LRP5: variants seen among roughly 807,000 people sequenced by gnomAD.
The protein encoded by LRP5 is low-density lipoprotein receptor-related protein 5.
LRP5 carries 62 observed loss-of-function variants against 154.1 expected under a neutral mutation model. The ratio of observed to expected loss-of-function variants is 0.40; its 90% CI spans 0.33 to 0.50. The LOEUF (loss-of-function observed/expected upper bound fraction) is 0.50, where lower values mean the gene tolerates loss of function less well. LRP5 is among the 20% of genes least tolerant of loss of function. LRP5 has a pLI of 0.55. For missense variants in LRP5, 1,915 were observed against 2,336.7 expected, an observed-to-expected ratio of 0.82 and a Z score of 3.72; for synonymous variants, 966 against 1,011.5, an observed-to-expected ratio of 0.96 and a Z score of 0.85.
intron 1 of LRP5, among the ~76,000 whole-genome samples, chr11:68,316,242 A>C (rs558468849): frequency 3.3e-5 from 5 of 152,100 alleles, no homozygotes; most frequent in African/African-American, 1.2e-4. Flanking sequence ...TTCAGGAGTC[A>C]TCCAAGTAGT....
chr11:68,364,634 G>C (rs969291247), intron 4 of LRP5, among the ~76,000 whole-genome samples: 3 of 152,154 alleles, frequency 2.0e-5, no homozygotes, highest in African/African-American at 7.2e-5. Context: ...ACCAGCTTCT[G>C]TGACAGTGGG....
intron 1 of LRP5, 65 bp downstream of exon 1, chr11:68,312,870 G>A: frequency 1.1e-6 from 1 of 902,070 alleles, no homozygotes; most frequent in East Asian, 1.1e-4. Context: ...CGGCCCCGCG[G>A]CCAAGTGCGC....
the LRP5 span, among the ~76,000 whole-genome samples, chr11:68,307,571 C>A: frequency 1.3e-5 from 2 of 152,072 alleles, no homozygotes; most frequent in African/African-American, 2.4e-5. Context: ...GTGTGAGGAT[C>A]ACCTAAGCCC....
chr11:68,349,007 G>A (rs2098616094), intron 2 of LRP5, among the ~76,000 whole-genome samples: 1 of 147,152 alleles, frequency 6.8e-6, no homozygotes, highest in African/African-American at 2.5e-5. Context: ...ACTTCCCCTT[G>A]AGATTCCATA....
intron 9 of LRP5, among the ~76,000 whole-genome samples, chr11:68,409,201 T>C (rs915547369): frequency 3.7e-5 from 4 of 107,206 alleles, no homozygotes; most frequent in Non-Finnish European, 5.5e-5. Context: ...TAAATTATAT[T>C]TATAAGTAAA....
chr11:68,384,695 C>T (rs1308941634), intron 5 of LRP5, among the ~76,000 whole-genome samples: 2 of 152,124 alleles, frequency 1.3e-5, no homozygotes, highest in Admixed American at 6.5e-5. Context: ...AATGCTGATA[C>T]CGTTGTGTGT....
rs542071613 is a variant in LRP5 at position 68,355,304 on chromosome 11, T to C, written c.489-2346T>C. On this transcript the variant is annotated intron_variant, in intron 2 of 22. Transcript: ENST00000294304. ...GCGAGCTGCCTGTTTCTAAATCACT[T>C]GCTAAGGCTGAGGGGAATGGGGTTT... 2.0e-5 allele frequency among the ~76,000 whole-genome samples: 3 copies of C among 152,264 alleles called. 1 individual carries two copies. In the South Asian group the frequency reaches 6.2e-4, roughly 32 times the overall value.
chr11:68,372,257 C>G (rs111577865), intron 5 of LRP5, among the ~76,000 whole-genome samples: 1 of 132,494 alleles, frequency 7.5e-6, no homozygotes, highest in African/African-American at 3.0e-5. Context: ...GACCCGGGAC[C>G]GTGGTGATGA....
chr11:68,299,419 C>G, the LRP5 span, among the ~76,000 whole-genome samples: 9 of 152,120 alleles, frequency 5.9e-5, no homozygotes, highest in East Asian at 9.7e-4. Flanking sequence ...ATGGCCTTAG[C>G]AGGAGGTGAG....
intron 12 of LRP5, 85 bp from the exon 13 acceptor site, chr11:68,416,243 G>A (rs2098662474): frequency 3.3e-6 from 4 of 1,195,142 alleles, no homozygotes; most frequent in Middle Eastern, 4.3e-4. Flanking sequence ...TGAGCCGCCT[G>A]TTGTCGAGTG....
chr11:68,320,441 C>G (rs1043284312), intron 1 of LRP5, among the ~76,000 whole-genome samples: 1 of 150,180 alleles, frequency 6.7e-6, no homozygotes, highest in Non-Finnish European at 1.5e-5. Context: ...TTTTTCTTTT[C>G]TTTTTTCTTC....
chr11:68,329,621 AGTGACTTCGGAGCCACT>A (rs147505550), intron 1 of LRP5, among the ~76,000 whole-genome samples: 3,874 of 152,294 alleles, frequency 0.025, 147 homozygotes, highest in African/African-American at 0.087. Context: ...TGGAGGGAAC[AGTGACTTCGGAGCCACT>A]CTCCTGGACT....
chr11:68,407,861 TTTGA>T (rs767145684), intron 9 of LRP5, among the ~76,000 whole-genome samples: 215 of 151,850 alleles, frequency 1.4e-3, no homozygotes, highest in Non-Finnish European at 2.6e-3. Flanking sequence ...AAAAAAAAAG[TTTGA>T]TTGGTGTAAC....
intron 13 of LRP5, among the ~76,000 whole-genome samples, chr11:68,417,884 G>A (rs571660988): frequency 6.6e-4 from 100 of 151,466 alleles, no homozygotes; most frequent in African/African-American, 2.3e-3. Flanking sequence ...GCGGTGAGCC[G>A]AGATCACACC....
At chr11:68,418,336 A>G (rs2098663725) in intron 13 of LRP5, among the ~76,000 whole-genome samples, 1 of 151,538 alleles carries the variant, frequency 6.6e-6, no homozygotes, top group Admixed American at 6.6e-5. Flanking sequence ...TGGGAGGTGG[A>G]GGTTGCAGGG....
chr11:68,372,825 C>T (rs982810339), intron 5 of LRP5, among the ~76,000 whole-genome samples: 12 of 151,688 alleles, frequency 7.9e-5, no homozygotes, highest in South Asian at 4.2e-4. Flanking sequence ...ACACGGCCAG[C>T]GGGTGACCTG....
chr11:68,358,565 T>C (rs2098625158), intron 3 of LRP5, among the ~76,000 whole-genome samples: 1 of 152,086 alleles, frequency 6.6e-6, no homozygotes, highest in South Asian at 2.1e-4. Flanking sequence ...CCTGGCCCTA[T>C]CCCAGCTCAG....
chr11:68,311,844 T>C (rs2098588087), upstream of LRP5, among the ~76,000 whole-genome samples: 3 of 152,250 alleles, frequency 2.0e-5, no homozygotes. Context: ...TTGGGCTTGC[T>C]GGTTCCAGAG....
intron 15 of LRP5, 33 bp from the exon 16 acceptor site, chr11:68,425,945 C>T (rs750250648): frequency 6.3e-7 from 1 of 1,588,626 alleles, no homozygotes; most frequent in Admixed American, 1.7e-5. Flanking sequence ...TGGAGGTCAG[C>T]ACTGCTCAGG....
Sources: allele counts gnomAD v4.1 joint callset (sites outside exome capture counted in the v4.1 genomes callset), GRCh38; gene constraint gnomAD v4.1.1; transcripts MANE v1.5; gene names NCBI Gene and HGNC (gene_info 2026-07-23, HGNC 2026-07-21).